The following DST variants were observed in gnomAD, a reference collection of about 807,000 sequenced individuals.
The protein encoded by DST is bullous pemphigoid antigen.
A neutral mutation model predicts 875.2 loss-of-function variants in DST; 253 were observed. The ratio of observed to expected loss-of-function variants is 0.29; its 90% CI spans 0.26 to 0.32. DST has a LOEUF of 0.32. Ranked by LOEUF, DST falls within the 10% of genes least tolerant of loss-of-function variation. DST has a pLI of 1.00. For synonymous variants in DST, 3,124 were observed against 3,197.1 expected (o/e 0.98, Z 0.77); for missense variants, 8,287 against 9,111.6 (o/e 0.91, Z 3.68).
At chr6:56,769,606 A>G (rs1283330995) in intron 4 of DST, among the ~76,000 whole-genome samples, 1 of 152,168 alleles carries the variant, frequency 6.6e-6, no homozygotes, top group Non-Finnish European at 1.5e-5. Context: ...GATTGAGTCC[A>G]GGAATTCAGG....
At position 56,654,856 on chromosome 6, in the gene DST, G is replaced by A. The variant is rs1001632045; in HGVS notation, c.1215-3612C>T. Among the ~76,000 whole-genome samples the A allele has an allele frequency of 5.9e-5, 9 of 152,086 alleles. No homozygotes were observed. The South Asian group carries it at 1.5e-3, about 25-fold the overall frequency. The stretch of plus-strand genomic sequence containing the variant: ...TCTGCAGGAACATATGACTTCTACA[G>A]TGATATAAATGGCTAAAGATCAGGC... On this transcript the variant is annotated intron_variant, in intron 10 of 103. Coordinates refer to ENST00000680361, the MANE Select transcript of DST (RefSeq NM_001374736.1).
At chr6:56,469,266 T>C (rs2094758116) in intron 97 of DST, among the ~76,000 whole-genome samples, 1 of 151,870 alleles carries the variant, frequency 6.6e-6, no homozygotes, top group African/African-American at 2.4e-5. Flanking sequence ...AAAATAAAAA[T>C]AATATTTCAT....
intron 92 of DST, chr6:56,474,217 C>T: frequency 2.5e-6 from 1 of 402,710 alleles, no homozygotes; most frequent in Non-Finnish European, 4.5e-6. Flanking sequence ...GGTGCAGTGG[C>T]TCATGCCTGT....
In DST at chr6:56,603,294, G is replaced by T; in HGVS notation, c.11068C>A (p.His3690Asn). 1.3e-5 allele frequency: 21 copies of T among 1,610,760 alleles called. No homozygotes were observed. Among genetic ancestry groups the T allele is most frequent in the Non-Finnish European group, 1.7e-5 (20 of 1,178,870 alleles). The change falls in exon 42 of 104, where the codon CAC becomes AAC. Residue 3690 changes from histidine to asparagine, a missense_variant. This residue lies in a region of DST where 3,138 missense variants were observed against 3,116.6 expected (regional missense o/e 1.01). Coordinates refer to ENST00000680361, the MANE Select transcript of DST (RefSeq NM_001374736.1). ...RGHVEELSIS[H>N]QSLKTAFSSL... ...GAGAAGGCGGTCTTCAAACTCTGGTGGCTAATACTCAATTCTTCAACATGG... is the reference window on the plus strand; with the variant it reads ...GAGAAGGCGGTCTTCAAACTCTGGTTGCTAATACTCAATTCTTCAACATGG...
intron 5 of DST, among the ~76,000 whole-genome samples, chr6:56,711,295 C>T (rs1279030190): frequency 6.6e-6 from 1 of 152,144 alleles, no homozygotes; most frequent in Non-Finnish European, 1.5e-5. Flanking sequence ...TTATTCTCTT[C>T]TATACAGTTT....
intron 4 of DST, among the ~76,000 whole-genome samples, chr6:56,783,632 T>C (rs1330867848): frequency 6.6e-6 from 1 of 152,086 alleles, no homozygotes; most frequent in Non-Finnish European, 1.5e-5. Flanking sequence ...GCACGTGAGA[T>C]GGGTTTCCTG....
At chr6:56,575,563 T>G (rs1343903179) in intron 50 of DST, among the ~76,000 whole-genome samples, 2 of 152,074 alleles carry the variant, frequency 1.3e-5, no homozygotes, top group African/African-American at 4.8e-5. Context: ...CAGATTTGAG[T>G]GTTAGTTTGC....
intron 86 of DST, 89 bp downstream of exon 86, chr6:56,489,401 T>C: frequency 2.2e-6 from 3 of 1,342,726 alleles, no homozygotes; most frequent in East Asian, 2.5e-5. Context: ...TTTTCTTTAG[T>C]GATGAATAAA....
chr6:56,497,971 G>A lies in DST; in HGVS notation c.19979C>T (p.Ala6660Val). ...KAGNDLIESS[A>V]GEEASNLQNK... ...CTGAAGGTTGCTTGCTTCTTCTCCT[G>A]CACTTGATTCAATTAGATCATTTCC... Residue 6660 changes from alanine (A) to valine (V), a missense_variant, in exon 81 of 104, where the codon GCA becomes GTA. Coordinates refer to ENST00000680361, the MANE Select transcript of DST (RefSeq NM_001374736.1). 6.2e-7 allele frequency: 1 copy of A among 1,613,412 alleles called. No homozygotes were observed. Among genetic ancestry groups the A allele is most frequent in the East Asian group, 2.2e-5 (1 of 44,864 alleles).
chr6:56,907,669 G>A (rs761535586), intron 2 of DST, among the ~76,000 whole-genome samples: 1 of 152,280 alleles, frequency 6.6e-6, no homozygotes, highest in African/African-American at 2.4e-5. Context: ...GTATCCACAG[G>A]ACTGGAAGTG....
chr6:56,612,688 T>C (rs1329113843), intron 37 of DST, among the ~76,000 whole-genome samples: 1 of 152,212 alleles, frequency 6.6e-6, no homozygotes, highest in Non-Finnish European at 1.5e-5. Flanking sequence ...TGAGGCTGCA[T>C]TGATTTTTGA....
At chr6:56,947,740 G>A (rs748610850) in intron 2 of DST, among the ~76,000 whole-genome samples, 1 of 152,122 alleles carries the variant, frequency 6.6e-6, no homozygotes, top group Admixed American at 6.5e-5. Flanking sequence ...CCATACTGGT[G>A]TACACCAAGC....
Position 56,607,447 on chromosome 6 carries a change from G to A in DST, c.7181C>T (p.Pro2394Leu), listed in dbSNP as rs267601089. ...AATAGGATTTTCTATTAAATCACTT[G>A]GAAAGTTTTGAATGTTTTTAGAATG... ...CSHSKNIQNF[P>L]SDLIENPIMK... Residue 2394 changes from proline (P) to leucine (L), a missense_variant, in exon 40 of 104, where the codon CCA (proline) becomes CTA (leucine). By Grantham distance (98) the Pro-to-Leu change is moderately conservative. Coordinates refer to ENST00000680361, the MANE Select transcript of DST (RefSeq NM_001374736.1). The A allele has an allele frequency of 6.2e-7, 1 of 1,605,152 alleles. No homozygotes were observed. The highest frequency in any genetic ancestry group is 1.3e-5 in the African/African-American group (1 of 74,752).
chr6:56,484,693 A>G (rs1231673984), intron 88 of DST: 1 of 152,288 alleles, frequency 6.6e-6, no homozygotes, highest in African/African-American at 2.4e-5. Context: ...ACTTAGTTGG[A>G]CACCTTGAAT....
intron 4 of DST, among the ~76,000 whole-genome samples, chr6:56,790,405 T>C (rs900266502): frequency 6.6e-6 from 1 of 152,234 alleles, no homozygotes; most frequent in African/African-American, 2.4e-5. Flanking sequence ...GCCTGTGTTC[T>C]TTTCACTATG....
chr6:56,585,615 G>A (rs1008900375), intron 49 of DST, among the ~76,000 whole-genome samples: 50 of 151,704 alleles, frequency 3.3e-4, no homozygotes, highest in African/African-American at 1.0e-3. Context: ...TCTGACTTTC[G>A]TTATTTCTTG....
intron 85 of DST, among the ~76,000 whole-genome samples, chr6:56,491,723 TG>T (rs2095752017): frequency 6.6e-6 from 1 of 152,012 alleles, no homozygotes; most frequent in Non-Finnish European, 1.5e-5. Context: ...TTCAAAGAGG[TG>T]GGGAGTGCCG....
intron 2 of DST, among the ~76,000 whole-genome samples, chr6:56,942,141 A>C (rs1397131326): frequency 6.6e-6 from 1 of 152,064 alleles, no homozygotes. Context: ...AGCCACTCTA[A>C]TCTTCTTATG....
intron 10 of DST, among the ~76,000 whole-genome samples, chr6:56,666,655 T>G (rs1051330377): frequency 6.6e-6 from 1 of 152,164 alleles, no homozygotes; most frequent in South Asian, 2.1e-4. Flanking sequence ...AAAATGGACA[T>G]TTTCCACAAC....
Sources: gnomAD v4.1 joint callset for allele counts (sites outside exome capture counted in the v4.1 genomes callset) on GRCh38, gnomAD v4.1.1 for gene constraint, gnomAD v4.1.1 regional missense constraint, MANE v1.5 for transcripts, NCBI Gene and HGNC (gene_info 2026-07-23, HGNC 2026-07-21) for gene names.